Variants in NAALADL2 observed in about 807,000 individuals in gnomAD.
NAALADL2 encodes the protein N-acetylated alpha-linked acidic dipeptidase like 2, also known as inactive N-acetylated-alpha-linked acidic dipeptidase-like protein 2.
NAALADL2 carries 76 observed loss-of-function variants against 87.2 expected under a neutral mutation model. The ratio of observed to expected loss-of-function variants is 0.87; its 90% CI spans 0.72 to 1.05. The LOEUF is 1.05. Ranked by LOEUF, NAALADL2 falls within the 50% of genes least tolerant of loss-of-function variation. The pLI, the probability that NAALADL2 is intolerant of heterozygous loss-of-function variation, is 0.00. For synonymous variants in NAALADL2, 354 were observed against 331.0 expected (o/e 1.07, Z -0.75); for missense variants, 1,089 against 945.8 (o/e 1.15, Z -1.99).
intron 5 of NAALADL2, among the ~76,000 whole-genome samples, chr3:175,326,507 A>G (rs1296766561): frequency 6.6e-6 from 1 of 152,128 alleles, no homozygotes; most frequent in Non-Finnish European, 1.5e-5. Context: ...CTACATTTCT[A>G]GGAATTTGTT....
intron 2 of NAALADL2, among the ~76,000 whole-genome samples, chr3:175,174,933 T>C (rs544170737): frequency 2.0e-5 from 3 of 152,188 alleles, no homozygotes; most frequent in South Asian, 2.1e-4. Flanking sequence ...TTAATCTTCT[T>C]GTACACTATT....
At chr3:175,048,832 C>T (rs1754998515) in intron 1 of NAALADL2, among the ~76,000 whole-genome samples, 1 of 152,072 alleles carries the variant, frequency 6.6e-6, no homozygotes. Context: ...ATAATACACC[C>T]TGGGAGTGGC....
chr3:175,138,414 T>G (rs1247253124), intron 2 of NAALADL2, among the ~76,000 whole-genome samples: 1 of 152,134 alleles, frequency 6.6e-6, no homozygotes, highest in Non-Finnish European at 1.5e-5. Flanking sequence ...GATTAACATC[T>G]TCTAGTAATA....
rs35081771 is a variant in NAALADL2 at position 174,892,921 on chromosome 3, C to CAA, written c.43+33489_43+33490dup. 4.8e-3 allele frequency among the ~76,000 whole-genome samples: 516 copies of CAA among 108,508 alleles called. 4 individuals carry two copies. The highest frequency in any genetic ancestry group is 0.019 in the South Asian group (64 of 3,412). The allele number at this position is 108,508 out of a possible 152,430, so 71.2% of individuals were successfully genotyped here. On this transcript the variant is annotated intron_variant, in intron 1 of 13. Coordinates refer to ENST00000454872, the MANE Select transcript of NAALADL2 (RefSeq NM_207015.3). ...TGGGCTAGAGAGTGAGACTCCAACT[C>CAA]AAAAAAAAAAAAAAAAAAATACAAG...
chr3:175,169,409 A>G (rs1410127238), intron 2 of NAALADL2, among the ~76,000 whole-genome samples: 1 of 151,222 alleles, frequency 6.6e-6, no homozygotes, highest in Non-Finnish European at 1.5e-5. Context: ...TCTCAGTTTT[A>G]TATGTGGAAC....
At chr3:175,481,368 T>A (rs1726440751) in intron 9 of NAALADL2, among the ~76,000 whole-genome samples, 1 of 128,904 alleles carries the variant, frequency 7.8e-6, no homozygotes, top group Non-Finnish European at 1.7e-5. Context: ...TGTGTGTGTA[T>A]ATAGCTGTGT....
intron 1 of NAALADL2, among the ~76,000 whole-genome samples, chr3:175,034,291 G>A (rs549216517): frequency 6.6e-6 from 1 of 152,218 alleles, no homozygotes; most frequent in African/African-American, 2.4e-5. Flanking sequence ...TACAGCACAT[G>A]TGCATTGTTG....
chr3:175,064,381 G>A (rs1320198011), intron 1 of NAALADL2, among the ~76,000 whole-genome samples: 3 of 151,920 alleles, frequency 2.0e-5, no homozygotes, highest in Non-Finnish European at 4.4e-5. Context: ...ATTTGGGATT[G>A]TATCAGTGAG....
chr3:175,565,509 T>G (rs1716960849), intron 9 of NAALADL2, among the ~76,000 whole-genome samples: 1 of 152,100 alleles, frequency 6.6e-6, no homozygotes, highest in African/African-American at 2.4e-5. Context: ...GACTCTTTAT[T>G]CTCTCCTGGT....
intron 1 of NAALADL2, among the ~76,000 whole-genome samples, chr3:174,926,167 A>G (rs1579561656): frequency 6.6e-6 from 1 of 152,192 alleles, no homozygotes; most frequent in Admixed American, 6.5e-5. Flanking sequence ...AAAAAAGAGT[A>G]AAAAGAAATG....
intron 5 of NAALADL2, among the ~76,000 whole-genome samples, chr3:175,439,106 G>A (rs1203592719): frequency 6.6e-6 from 1 of 152,012 alleles, no homozygotes; most frequent in South Asian, 2.1e-4. Context: ...ATGATGTTTG[G>A]TTTTCCATTC....
At chr3:175,304,985 C>G (rs1757518695) in intron 4 of NAALADL2, among the ~76,000 whole-genome samples, 1 of 151,572 alleles carries the variant, frequency 6.6e-6, no homozygotes, top group Admixed American at 6.6e-5. Context: ...ACATAGGTTC[C>G]ACTGTGTTCC....
intron 1 of NAALADL2, among the ~76,000 whole-genome samples, chr3:175,012,651 T>G (rs1017146763): frequency 6.6e-6 from 1 of 152,124 alleles, no homozygotes; most frequent in Non-Finnish European, 1.5e-5. Context: ...CACCTGTTTT[T>G]GTAAGTAAAG....
At chr3:174,455,851 A>G (rs1005006245) in intron 1 of NAALADL2, among the ~76,000 whole-genome samples, 1 of 152,202 alleles carries the variant, frequency 6.6e-6, no homozygotes, top group African/African-American at 2.4e-5. Flanking sequence ...TATTCAACAT[A>G]GTATTGGAAG....
At chr3:174,880,457 T>A (rs1729060603) in intron 1 of NAALADL2, among the ~76,000 whole-genome samples, 2 of 152,160 alleles carry the variant, frequency 1.3e-5, no homozygotes, top group African/African-American at 4.8e-5. Context: ...GATTTTGATT[T>A]ATTTTTTTCA....
At position 175,212,869 on chromosome 3, in the gene NAALADL2, C is replaced by T. The variant is rs370274277; in HGVS notation, c.546-21062C>T. On this transcript the variant is annotated intron_variant, in intron 2 of 13. Transcript: ENST00000454872. ...ACGCAGAAAATTGGTTAAAGCTTTA[C>T]GAGCCAGATGCCAAGTTATTTGCAG... Among the ~76,000 whole-genome samples, 10 of 152,188 alleles carry T rather than the reference C, an allele frequency of 6.6e-5. No individual in the cohort carries two copies. The South Asian group carries it at 1.2e-3, about 19-fold the overall frequency.
At chr3:174,717,310 C>G (rs960193314) in intron 2 of NAALADL2, among the ~76,000 whole-genome samples, 7 of 152,020 alleles carry the variant, frequency 4.6e-5, no homozygotes, top group Non-Finnish European at 1.0e-4. Context: ...GTAATTAATT[C>G]AGGAAGGTTG....
intron 2 of NAALADL2, among the ~76,000 whole-genome samples, chr3:175,127,654 A>G: frequency 8.4e-6 from 1 of 118,702 alleles, no homozygotes; most frequent in Non-Finnish European, 1.7e-5. Context: ...ACATTATTAT[A>G]TTTATGCTGA....
chr3:175,359,387 GAAC>G (rs996896859), intron 5 of NAALADL2, among the ~76,000 whole-genome samples: 1 of 151,906 alleles, frequency 6.6e-6, no homozygotes, highest in Non-Finnish European at 1.5e-5. Context: ...ATTTTAATTA[GAAC>G]AACAATGGCA....
Sources: gnomAD v4.1 joint callset for allele counts (sites outside exome capture counted in the v4.1 genomes callset) on GRCh38, gnomAD v4.1.1 for gene constraint, MANE v1.5 for transcripts, NCBI Gene and HGNC (gene_info 2026-07-23, HGNC 2026-07-21) for gene names.